The following PREX1 variants were observed in gnomAD, a reference collection of about 807,000 sequenced individuals.
PREX1 encodes phosphatidylinositol 3,4,5-trisphosphate-dependent Rac exchanger 1 protein.
Under a neutral mutation model 198.3 loss-of-function variants are expected in PREX1, and 41 were observed. That is an observed-to-expected ratio of 0.21 (90% CI 0.16 to 0.27). The LOEUF (loss-of-function observed/expected upper bound fraction) is 0.27, where lower values mean the gene tolerates loss of function less well. Among genes scored for constraint, PREX1 ranks in the 10% least tolerant of loss-of-function variants. PREX1 has a pLI of 1.00. For synonymous variants in PREX1, 843 were observed against 887.2 expected, an observed-to-expected ratio of 0.95 and a Z score of 0.89; for missense variants, 1,620 against 2,200.7, an observed-to-expected ratio of 0.74 and a Z score of 5.28.
intron 6 of PREX1, among the ~76,000 whole-genome samples, chr20:48,707,957 A>G (rs1239108776): frequency 6.6e-6 from 1 of 152,096 alleles, no homozygotes; most frequent in Non-Finnish European, 1.5e-5. Context: ...ATACCAGGCA[A>G]TGCATGAAAG....
At chr20:48,712,399 G>T (rs2089936044) in intron 5 of PREX1, among the ~76,000 whole-genome samples, 1 of 152,082 alleles carries the variant, frequency 6.6e-6, no homozygotes, top group Non-Finnish European at 1.5e-5. Context: ...CCAACAAATA[G>T]GAAGCTCTCA....
the PREX1 span, among the ~76,000 whole-genome samples, chr20:48,846,757 G>T: frequency 5.3e-5 from 8 of 152,320 alleles, no homozygotes; most frequent in Non-Finnish European, 1.0e-4. Context: ...TGGATGGGGT[G>T]CCTGGGAGTG....
intron 36 of PREX1, among the ~76,000 whole-genome samples, chr20:48,630,112 G>A (rs765030820): frequency 1.1e-4 from 16 of 151,970 alleles, no homozygotes; most frequent in African/African-American, 1.9e-4. Flanking sequence ...CCCTCCTCCC[G>A]GAGCCCCCAG....
In PREX1 at chr20:48,627,678, G is replaced by T; in HGVS notation, c.4870-63C>A. 3.3e-6 allele frequency: 5 copies of T among 1,526,580 alleles called. No homozygotes were observed. In the South Asian group the frequency reaches 5.6e-5, roughly 17 times the overall value. 94.6% of individuals were successfully genotyped at this position (1,526,580 alleles called of 1,614,324 possible). A position where few individuals can be genotyped will look rare whatever the true frequency, so the allele number is the denominator to read the frequency against. ...TTCAGGGCACGTGAGGAAGCACACT[G>T]GGGGGTGGGGGTGGGGCCCAGAAGC... On this transcript the variant is annotated intron_variant, in intron 38 of 39. Coordinates refer to ENST00000371941, the MANE Select transcript of PREX1 (RefSeq NM_020820.4).
the PREX1 span, among the ~76,000 whole-genome samples, chr20:48,863,710 C>T: frequency 6.6e-6 from 1 of 151,438 alleles, no homozygotes; most frequent in Non-Finnish European, 1.5e-5. Flanking sequence ...ACCTCAGCCT[C>T]CTGAGTAGCT....
chr20:48,828,723 CCT>C (rs1426243165), upstream of PREX1, among the ~76,000 whole-genome samples: 1 of 152,258 alleles, frequency 6.6e-6, no homozygotes, highest in Non-Finnish European at 1.5e-5. Context: ...TTCTTTGCCC[CCT>C]GACCCTGCCC....
intron 5 of PREX1, among the ~76,000 whole-genome samples, chr20:48,718,268 G>A (rs775036267): frequency 1.3e-5 from 2 of 152,186 alleles, no homozygotes; most frequent in Non-Finnish European, 2.9e-5. Flanking sequence ...CCACTTCCAG[G>A]CTCTGCACAG....
At chr20:48,744,983 T>G in intron 3 of PREX1, 42 bp downstream of exon 3, 1 of 1,604,688 alleles carries the variant, frequency 6.2e-7, no homozygotes, top group Non-Finnish European at 8.5e-7. Context: ...AGCCCACTTT[T>G]CAAAAACTAG....
At chr20:48,837,555 A>T in the PREX1 span, among the ~76,000 whole-genome samples, 1 of 152,220 alleles carries the variant, frequency 6.6e-6, no homozygotes, top group African/African-American at 2.4e-5. Flanking sequence ...TATCCTTAGC[A>T]ATCTAAAGCA....
chr20:48,662,022 A>G (rs2085982500), intron 15 of PREX1, among the ~76,000 whole-genome samples: 1 of 152,214 alleles, frequency 6.6e-6, no homozygotes, highest in South Asian at 2.1e-4. Context: ...CCCTGAAGAC[A>G]GAGGCTTTTT....
chr20:48,838,594 A>T, the PREX1 span, among the ~76,000 whole-genome samples: 2 of 152,240 alleles, frequency 1.3e-5, no homozygotes, highest in African/African-American at 4.8e-5. Flanking sequence ...ATAGAAAAAA[A>T]TGCTCATGAT....
intron 5 of PREX1, among the ~76,000 whole-genome samples, chr20:48,724,538 G>C (rs776022145): frequency 6.6e-6 from 1 of 152,230 alleles, no homozygotes; most frequent in Non-Finnish European, 1.5e-5. Context: ...TAAAGGGCCA[G>C]ATGGTAAATA....
the PREX1 span, among the ~76,000 whole-genome samples, chr20:48,836,040 G>A: frequency 0.26 from 39,086 of 152,120 alleles, 5,636 homozygotes; most frequent in Non-Finnish European, 0.33. Context: ...AACACGACTC[G>A]ACTCTATTAG....
chr20:48,874,009 G>A, the PREX1 span, among the ~76,000 whole-genome samples: 5 of 152,116 alleles, frequency 3.3e-5, no homozygotes, highest in Admixed American at 1.3e-4. Context: ...TCAGCCTCCC[G>A]AGTAGCTGGG....
chr20:48,828,290 G>A (rs1270364542), upstream of PREX1, among the ~76,000 whole-genome samples: 3 of 151,876 alleles, frequency 2.0e-5, no homozygotes, highest in African/African-American at 7.2e-5. Flanking sequence ...GCCGAACCGA[G>A]CGTACCAACT....
chr20:48,636,836 C>T (rs2089369256), intron 31 of PREX1, among the ~76,000 whole-genome samples, 153 bp from the exon 32 acceptor site: 2 of 152,236 alleles, frequency 1.3e-5, no homozygotes, highest in African/African-American at 2.4e-5. Flanking sequence ...ACATCCCAGC[C>T]ACCAAAAGCC....
At chr20:48,887,185 A>G in the PREX1 span, among the ~76,000 whole-genome samples, 1 of 152,318 alleles carries the variant, frequency 6.6e-6, no homozygotes, top group South Asian at 2.1e-4. Context: ...ATAATCTTGA[A>G]CAAGTTAATA....
intron 1 of PREX1, among the ~76,000 whole-genome samples, chr20:48,818,466 T>TA (rs1475705661): frequency 2.0e-5 from 3 of 152,346 alleles, no homozygotes; most frequent in African/African-American, 7.2e-5. Context: ...GATGTAACTG[T>TA]AACTGATTAG....
At position 48,719,616 on chromosome 20, in the gene PREX1, C is replaced by T. The variant is rs117987932; in HGVS notation, c.621+6674G>A. On this transcript the variant is annotated intron_variant, in intron 5 of 39. Transcript: ENST00000371941. ...TCAGACAAAAACTCCAAAGAGATAA[C>T]CCAAAGTATCCAGAATAATAGAAGG... Among the ~76,000 whole-genome samples the T allele has an allele frequency of 2.9e-3, 449 of 152,222 alleles. 3 individuals are homozygous for T. The highest frequency in any genetic ancestry group is 0.017 in the Middle Eastern group (5 of 294).
Sources: gnomAD v4.1 joint callset for allele counts (sites outside exome capture counted in the v4.1 genomes callset) on GRCh38, gnomAD v4.1.1 for gene constraint, MANE v1.5 for transcripts, NCBI Gene and HGNC (gene_info 2026-07-23, HGNC 2026-07-21) for gene names.